Variants in DLGAP4 observed in about 807,000 individuals in gnomAD.
The protein encoded by DLGAP4 is disks large-associated protein 4.
A neutral mutation model predicts 86.9 loss-of-function variants in DLGAP4; 18 were observed. The observed-to-expected ratio is 0.21, with a 90% CI of 0.14 to 0.31. The LOEUF is 0.31. DLGAP4 is among the 10% of genes least tolerant of loss of function. DLGAP4 has a pLI of 1.00. For missense variants in DLGAP4, 1,085 were observed against 1,362.6 expected (o/e 0.80, Z 3.21); for synonymous variants, 548 against 574.3 (o/e 0.95, Z 0.65).
intron 1 of DLGAP4, among the ~76,000 whole-genome samples, chr20:36,317,277 TA>T (rs1405230886): frequency 0.55 from 29,066 of 52,770 alleles, 5,055 homozygotes; most frequent in Middle Eastern, 0.59. Context: ...CTTTCTTTCT[TA>T]TCTTTCTTTC....
chr20:36,315,117 G>A (rs971418025), intron 1 of DLGAP4, among the ~76,000 whole-genome samples: 20 of 142,884 alleles, frequency 1.4e-4, no homozygotes, highest in African/African-American at 4.7e-4. Flanking sequence ...TGTGATGTGT[G>A]GTATGTGGTG....
chr20:36,439,704 G>T, intron 4 of DLGAP4, 50 bp from the exon 5 acceptor site: 3 of 1,534,114 alleles, frequency 2.0e-6, no homozygotes, highest in East Asian at 2.3e-5. Flanking sequence ...TCCAAAAGCT[G>T]GGTGAACAAT....
At chr20:36,520,105 G>T (rs1297127435) in intron 10 of DLGAP4, among the ~76,000 whole-genome samples, 1 of 152,054 alleles carries the variant, frequency 6.6e-6, no homozygotes, top group Non-Finnish European at 1.5e-5. Flanking sequence ...TAATGGGTAT[G>T]AAGTATCATT....
intron 1 of DLGAP4, among the ~76,000 whole-genome samples, chr20:36,351,122 G>GC (rs779451036): frequency 1.2e-3 from 186 of 152,322 alleles, no homozygotes; most frequent in Non-Finnish European, 2.2e-3. Context: ...GTGGTTGGGG[G>GC]CCCCCCTGCC....
chr20:36,421,047 C>T (rs752633634), intron 2 of DLGAP4, among the ~76,000 whole-genome samples: 15 of 151,826 alleles, frequency 9.9e-5, no homozygotes, highest in Admixed American at 7.9e-4. Flanking sequence ...AAGCTGAGAC[C>T]GGAGGATCTC....
intron 1 of DLGAP4, among the ~76,000 whole-genome samples, chr20:36,336,338 G>T (rs1348392168): frequency 6.6e-6 from 1 of 152,050 alleles, no homozygotes; most frequent in African/African-American, 2.4e-5. Context: ...GGACCCTTGC[G>T]CTTGCTGTTT....
rs578044582 is a variant in DLGAP4, at chr20:36,456,906, G to A, written c.1648+9969G>A. ...TTAAATAGAACCTTGGAGGCCCTAC[G>A]GCATGGTGGTTAAGCACCTGAGCCT... On this transcript the variant is annotated intron_variant, in intron 7 of 12. Transcript: ENST00000339266. Among the ~76,000 whole-genome samples, 15 of 152,354 alleles carry A rather than the reference G, an allele frequency of 9.8e-5. No homozygotes were observed. The South Asian group carries it at 1.7e-3, about 17-fold the overall frequency.
intron 1 of DLGAP4, among the ~76,000 whole-genome samples, chr20:36,333,290 T>C (rs2065288870): frequency 6.6e-6 from 1 of 152,140 alleles, no homozygotes; most frequent in Non-Finnish European, 1.5e-5. Context: ...CTTCTATTGG[T>C]GTGTGCTTGA....
At chr20:36,509,326 T>C (rs1600682241) in intron 10 of DLGAP4, among the ~76,000 whole-genome samples, 1 of 152,070 alleles carries the variant, frequency 6.6e-6, no homozygotes, top group African/African-American at 2.4e-5. Flanking sequence ...ATCCCAGCAC[T>C]TTGGGAGGCC....
chr20:36,519,780 GGTTT>G (rs139402656), intron 10 of DLGAP4, among the ~76,000 whole-genome samples: 3,210 of 151,924 alleles, frequency 0.021, 120 homozygotes, highest in African/African-American at 0.071. Context: ...TAGCTTTTGG[GGTTT>G]GTTTGTTTGT....
chr20:36,346,672 CCT>C (rs2029951507), intron 1 of DLGAP4, among the ~76,000 whole-genome samples: 1 of 152,108 alleles, frequency 6.6e-6, no homozygotes, highest in Non-Finnish European at 1.5e-5. Flanking sequence ...CCCTTGATTT[CCT>C]CTCTCTGTTT....
intron 2 of DLGAP4, among the ~76,000 whole-genome samples, chr20:36,381,044 C>A (rs574634369): frequency 6.6e-6 from 1 of 152,320 alleles, no homozygotes; most frequent in East Asian, 1.9e-4. Flanking sequence ...TAGCATGATC[C>A]ACCTTAAAGT....
intron 8 of DLGAP4, chr20:36,499,342 C>T (rs1275337948): frequency 5.6e-6 from 9 of 1,609,380 alleles, no homozygotes; most frequent in Middle Eastern, 2.1e-4. Flanking sequence ...CCAGTCATCT[C>T]CACCCCATCC....
intron 1 of DLGAP4, among the ~76,000 whole-genome samples, chr20:36,349,240 G>T (rs1202811664): frequency 6.7e-6 from 1 of 149,652 alleles, no homozygotes; most frequent in Non-Finnish European, 1.5e-5. Context: ...AACACGGTGA[G>T]ACCCTGTCTC....
chr20:36,473,192 CTT>C (rs2034751675), intron 7 of DLGAP4: 1 of 152,256 alleles, frequency 6.6e-6, no homozygotes, highest in South Asian at 2.1e-4. Flanking sequence ...AGTGCCCTGT[CTT>C]TACCATGAAA....
intron 1 of DLGAP4, among the ~76,000 whole-genome samples, chr20:36,355,257 CATA>C (rs1555893746): frequency 6.6e-6 from 1 of 151,596 alleles, no homozygotes; most frequent in African/African-American, 2.4e-5. Flanking sequence ...ATTCACTCAG[CATA>C]ATGATTTTTT....
intron 10 of DLGAP4, among the ~76,000 whole-genome samples, chr20:36,520,208 A>G (rs962142200): frequency 2.6e-5 from 4 of 152,190 alleles, no homozygotes; most frequent in African/African-American, 9.7e-5. Context: ...ATCCTTGTAC[A>G]TTTTAAAACT....
At chr20:36,408,277 T>C (rs1422971693) in intron 2 of DLGAP4, among the ~76,000 whole-genome samples, 4 of 151,942 alleles carry the variant, frequency 2.6e-5, no homozygotes, top group Non-Finnish European at 5.9e-5. Context: ...ACAATCCTTA[T>C]TGTTATCCAG....
At chr20:36,378,062 C>T (rs926298594) in intron 2 of DLGAP4, among the ~76,000 whole-genome samples, 6 of 152,132 alleles carry the variant, frequency 3.9e-5, no homozygotes, top group Non-Finnish European at 2.9e-5. Flanking sequence ...CCCAGGAGAG[C>T]CCCTGGGGAA....
Sources: allele counts gnomAD v4.1 joint callset (sites outside exome capture counted in the v4.1 genomes callset), GRCh38; gene constraint gnomAD v4.1.1; transcripts MANE v1.5; gene names NCBI Gene and HGNC (gene_info 2026-07-23, HGNC 2026-07-21).